Variants in COMMD10 observed in about 807,000 individuals in gnomAD.
The protein encoded by COMMD10 is COMM domain-containing protein 10.
A neutral mutation model predicts 28.9 loss-of-function variants in COMMD10; 33 were observed. That is an observed-to-expected ratio of 1.14 (90% CI 0.87 to 1.53). The LOEUF is 1.53. Ranked by LOEUF, COMMD10 falls within the 40% of genes most tolerant of loss-of-function variation. The probability of loss-of-function intolerance (pLI) is 0.00; values close to 1 mark genes in which losing one functional copy is unlikely to be tolerated. For synonymous variants in COMMD10, 110 were observed against 81.7 expected, an observed-to-expected ratio of 1.35 and a Z score of -1.87; for missense variants, 310 against 233.4, an observed-to-expected ratio of 1.33 and a Z score of -2.14.
At chr5:116,153,818 A>T (rs772856200) in intron 5 of COMMD10, among the ~76,000 whole-genome samples, 2 of 152,070 alleles carry the variant, frequency 1.3e-5, no homozygotes, top group Non-Finnish European at 2.9e-5. Flanking sequence ...TCCTCAGGGT[A>T]GGTGATTTAT....
chr5:116,145,152 C>CA (rs1288760789), intron 5 of COMMD10, among the ~76,000 whole-genome samples: 2 of 151,688 alleles, frequency 1.3e-5, no homozygotes, highest in Non-Finnish European at 2.9e-5. Flanking sequence ...TGGGGCGGTT[C>CA]TAGTAGGTTT....
chr5:116,251,923 G>A (rs1750130209), intron 5 of COMMD10, among the ~76,000 whole-genome samples: 1 of 150,084 alleles, frequency 6.7e-6, no homozygotes, highest in African/African-American at 2.5e-5. Context: ...ATGTAAAAGT[G>A]TTCCTATTTC....
intron 5 of COMMD10, among the ~76,000 whole-genome samples, chr5:116,233,977 A>G (rs1235793131): frequency 2.0e-5 from 3 of 152,206 alleles, no homozygotes; most frequent in African/African-American, 7.2e-5. Flanking sequence ...TTTTACATTA[A>G]CAGAAGAGGT....
intron 5 of COMMD10, among the ~76,000 whole-genome samples, chr5:116,143,512 G>A (rs58414661): frequency 0.32 from 47,780 of 151,486 alleles, 10,499 homozygotes; most frequent in African/African-American, 0.63. Context: ...AACAAATACT[G>A]TCTTCACTTG....
At chr5:116,268,187 T>G (rs1750648469) in intron 5 of COMMD10, among the ~76,000 whole-genome samples, 1 of 151,918 alleles carries the variant, frequency 6.6e-6, no homozygotes, top group Non-Finnish European at 1.5e-5. Context: ...AGAAAATGTT[T>G]GCAATCTACC....
At chr5:116,211,350 A>T (rs1293634986) in intron 5 of COMMD10, among the ~76,000 whole-genome samples, 2 of 152,146 alleles carry the variant, frequency 1.3e-5, no homozygotes, top group African/African-American at 4.8e-5. Flanking sequence ...TTACTCTAAG[A>T]CTGTAAACCT....
chr5:116,178,756 T>G (rs575043079), intron 5 of COMMD10, among the ~76,000 whole-genome samples: 1 of 152,246 alleles, frequency 6.6e-6, no homozygotes, highest in Admixed American at 6.5e-5. Flanking sequence ...GAAAGTTGGT[T>G]TATAATAAGG....
intron 4 of COMMD10, among the ~76,000 whole-genome samples, chr5:116,114,693 G>C (rs970511168): frequency 2.0e-5 from 3 of 152,202 alleles, no homozygotes; most frequent in African/African-American, 7.2e-5. Flanking sequence ...TGCCATGATG[G>C]GAGAGTGGGG....
chr5:116,153,250 A>G (rs1752596411), intron 5 of COMMD10, among the ~76,000 whole-genome samples: 1 of 152,112 alleles, frequency 6.6e-6, no homozygotes, highest in Non-Finnish European at 1.5e-5. Context: ...GTTCCTGAAA[A>G]AATATAAGCC....
rs1160280813 is a variant in COMMD10, at chr5:116,290,020, A to C, written c.511-1497A>C. 2.6e-5 allele frequency among the ~76,000 whole-genome samples: 4 copies of C among 152,070 alleles called. No individual in the cohort carries two copies. In the South Asian group the frequency reaches 6.2e-4, roughly 24 times the overall value. ...CACCACCTTAAAACAAAGCAAAGCA[A>C]AATATAGAAAACAAGAACCTGGCTT... On this transcript the variant is annotated intron_variant, in intron 5 of 6. Transcript: ENST00000274458.
intron 1 of COMMD10, chr5:116,085,551 C>T: frequency 6.3e-6 from 1 of 159,990 alleles, no homozygotes; most frequent in Non-Finnish European, 1.4e-5. Context: ...CCTTTTAAAT[C>T]AGTATCGAAT....
At chr5:116,108,024 T>C (rs975906928) in intron 4 of COMMD10, among the ~76,000 whole-genome samples, 2 of 152,262 alleles carry the variant, frequency 1.3e-5, no homozygotes, top group African/African-American at 4.8e-5. Flanking sequence ...CAAAGATTGC[T>C]GCCTCTTGCT....
chr5:116,172,629 G>T (rs1753373687), intron 5 of COMMD10, among the ~76,000 whole-genome samples: 1 of 152,108 alleles, frequency 6.6e-6, no homozygotes, highest in Non-Finnish European at 1.5e-5. Flanking sequence ...TATTCGAAAA[G>T]ATTTACTCAC....
chr5:116,260,453 G>T (rs559785410), intron 5 of COMMD10, among the ~76,000 whole-genome samples: 1 of 151,916 alleles, frequency 6.6e-6, no homozygotes, highest in African/African-American at 2.4e-5. Flanking sequence ...GACATATTCA[G>T]TGTGGACCCA....
intron 5 of COMMD10, among the ~76,000 whole-genome samples, chr5:116,259,785 A>C (rs1433619156): frequency 6.6e-6 from 1 of 151,636 alleles, no homozygotes; most frequent in East Asian, 1.9e-4. Context: ...ATTGGCTGCT[A>C]CCTTGTTCTG....
intron 4 of COMMD10, among the ~76,000 whole-genome samples, chr5:116,122,265 C>G (rs549611322): frequency 6.6e-6 from 1 of 152,246 alleles, no homozygotes; most frequent in African/African-American, 2.4e-5. Context: ...TTGTTTTTGT[C>G]AGGTTTGTCA....
At chr5:116,246,526 G>A (rs139604592) in intron 5 of COMMD10, among the ~76,000 whole-genome samples, 6 of 150,690 alleles carry the variant, frequency 4.0e-5, no homozygotes, top group Admixed American at 2.0e-4. Flanking sequence ...AGACTGAATA[G>A]CCAAAGCAAT....
chr5:116,211,522 G>A (rs773033787), intron 5 of COMMD10, among the ~76,000 whole-genome samples: 3 of 151,994 alleles, frequency 2.0e-5, no homozygotes, highest in Non-Finnish European at 2.9e-5. Context: ...ATCTTATGGG[G>A]CCACCATTGT....
In COMMD10 at chr5:116,134,081, G is replaced by A; in HGVS notation, c.413G>A (p.Gly138Glu). 1 of 1,599,524 alleles carries A rather than the reference G, an allele frequency of 6.3e-7. No individual in the cohort carries two copies. Among genetic ancestry groups the A allele is most frequent in the South Asian group, 1.1e-5 (1 of 90,808 alleles). The part of the protein sequence containing the change: ...ILAPCKLETV[G>E]WQLNLQMAHS... ...TGTCTTTTATAGCTAGAGACCGTTG[G>A]ATGGCAGCTTAACCTTCAGATGGCT... Residue 138 changes from glycine (G) to glutamate (E), a missense_variant, in exon 5 of 7, where the codon GGA becomes GAA. Transcript: ENST00000274458.
Sources: allele counts gnomAD v4.1 joint callset (sites outside exome capture counted in the v4.1 genomes callset), GRCh38; gene constraint gnomAD v4.1.1; transcripts MANE v1.5; gene names NCBI Gene and HGNC (gene_info 2026-07-23, HGNC 2026-07-21).